ITGAD: variants seen among roughly 807,000 people sequenced by gnomAD.
The protein encoded by ITGAD is integrin alpha-D.
Under a neutral mutation model 139.0 loss-of-function variants are expected in ITGAD, and 105 were observed. That is an observed-to-expected ratio of 0.76 (90% CI 0.65 to 0.89). The LOEUF is 0.89. ITGAD is among the 40% of genes least tolerant of loss of function. The pLI, the probability that ITGAD is intolerant of heterozygous loss-of-function variation, is 0.00. For synonymous variants in ITGAD, 569 were observed against 598.3 expected (o/e 0.95, Z 0.71); for missense variants, 1,384 against 1,487.3 (o/e 0.93, Z 1.14).
In ITGAD at chr16:31,418,531, C is replaced by G; in HGVS notation, c.2747C>G (p.Pro916Arg). 1 of 1,614,118 alleles carries G rather than the reference C, an allele frequency of 6.2e-7. No individual in the cohort carries two copies. The highest frequency in any genetic ancestry group is 8.5e-7 in the Non-Finnish European group (1 of 1,180,008). The change falls in exon 23 of 30, where the codon CCG becomes CGG. Residue 916 changes from proline (P) to arginine (R), a missense_variant. By Grantham distance (103) the Pro-to-Arg change is moderately radical. Coordinates refer to ENST00000389202, the MANE Select transcript of ITGAD (RefSeq NM_005353.3). Reference sequence around the variant, plus strand: ...AAGGCCACCTTCCAGCTGGAGCTCCCGGTGAAGTATGCAGTCTACACCATG... The same window carrying G: ...AAGGCCACCTTCCAGCTGGAGCTCCGGGTGAAGTATGCAGTCTACACCATG... ...SSKATFQLEL[P>R]VKYAVYTMIS...
intron 6 of ITGAD, chr16:31,402,881 C>T (rs2081442849): frequency 1.3e-5 from 2 of 152,338 alleles, no homozygotes; most frequent in Admixed American, 6.5e-5. Flanking sequence ...GCTGGGATTA[C>T]AGGCATGAGT....
rs891838380 is a variant in ITGAD at position 31,408,565 on chromosome 16, G to A, written c.1083+67G>A. ...ACTCTGCACCCACCCTGGGCTGGGG[G>A]CTGGGAGCCAGACATAAACAAGAGC... On this transcript the variant is annotated intron_variant, in intron 10 of 29. Coordinates refer to ENST00000389202, the MANE Select transcript of ITGAD (RefSeq NM_005353.3). The A allele has an allele frequency of 4.9e-5, 70 of 1,431,946 alleles. No individual in the cohort carries two copies. The Middle Eastern group carries it at 1.2e-3, about 25-fold the overall frequency. The allele number at this position is 1,431,946 out of a possible 1,614,324, so 88.7% of individuals were successfully genotyped here.
rs771551985 is a variant in ITGAD, at chr16:31,410,779, G to C, written c.1257G>C (p.Leu419=). The change falls in exon 12 of 30, where the codon CTG becomes CTC. Residue 419 remains leucine (L), a synonymous_variant. Coordinates refer to ENST00000389202, the MANE Select transcript of ITGAD (RefSeq NM_005353.3). Reference sequence around the variant, plus strand: ...CCCTGTGGAAGGGGGTACAGAACCTGGTCCTGGGGGCCCCCCGCTACCAGC... The same window carrying C: ...CCCTGTGGAAGGGGGTACAGAACCTCGTCCTGGGGGCCCCCCGCTACCAGC... ...ELALWKGVQN[L]VLGAPRYQHT... 25 of 1,613,546 alleles carry C rather than the reference G, an allele frequency of 1.5e-5. No individual in the cohort carries two copies. The highest frequency in any genetic ancestry group is 1.9e-5 in the Non-Finnish European group (23 of 1,179,888).
Position 31,397,919 on chromosome 16 carries a change from T to A in ITGAD, c.427+10T>A. On this transcript the variant is annotated intron_variant, in intron 5 of 29. Coordinates refer to ENST00000389202, the MANE Select transcript of ITGAD (RefSeq NM_005353.3). ...CCCGACGCCACGCCAGGTAGGTCCC[T>A]GGCAGGCCATGGTTCCCTGTGGAGC... The A allele has an allele frequency of 6.3e-7, 1 of 1,594,506 alleles. No homozygotes were observed. The highest frequency in any genetic ancestry group is 1.1e-5 in the South Asian group (1 of 89,464).
rs753999944 is a variant in ITGAD, at chr16:31,418,186, TC to T, written c.2612del (p.Ser871LeufsTer6). ...CAACCACCCCATCTTCCATGAGGGC[TC>T]TAACGTCAGTGCTTCTCCCTAAATC... ...SVNHPIFHEG[S>X]NGTFIVTFDV... is the part of the protein sequence containing the mutation. On this transcript the variant is annotated frameshift_variant, in exon 21 of 30. Coordinates refer to ENST00000389202, the MANE Select transcript of ITGAD (RefSeq NM_005353.3). LOFTEE classifies it high-confidence loss of function. The T allele has an allele frequency of 6.2e-7, 1 of 1,613,644 alleles. No homozygotes were observed. The highest frequency in any genetic ancestry group is 1.7e-5 in the Admixed American group (1 of 60,014).
chr16:31,399,035 C>T (rs1283644315), intron 5 of ITGAD, among the ~76,000 whole-genome samples: 3 of 152,178 alleles, frequency 2.0e-5, no homozygotes, highest in Admixed American at 6.5e-5. Context: ...GACAGGGCTG[C>T]GGAAAATGCG....
chr16:31,414,175 CATCT>C (rs530104011), intron 16 of ITGAD, among the ~76,000 whole-genome samples: 120 of 152,176 alleles, frequency 7.9e-4, no homozygotes, highest in Non-Finnish European at 1.4e-3. Flanking sequence ...CCAAATCTAT[CATCT>C]ATTATCTATC....
In ITGAD at chr16:31,418,682, C is replaced by T. The variant is rs139925117; in HGVS notation, c.2780+118C>T. ...ATCTAAGCTCTCCTGTTTTGGGATG[C>T]CTTTGTGGGTGAATGGCCATATATA... On this transcript the variant is annotated intron_variant, in intron 23 of 29. Transcript: ENST00000389202. 2,892 of 801,712 alleles carry T rather than the reference C, an allele frequency of 3.6e-3. 42 individuals are homozygous for T. The highest frequency in any genetic ancestry group is 0.03 in the African/African-American group (1,751 of 59,258). The allele number at this position is 801,712 out of a possible 1,614,324, so 49.7% of individuals were successfully genotyped here.
chr16:31,410,767 G>A lies in ITGAD; in HGVS notation c.1245G>A (p.Gly415=), dbSNP rs774198741. The change falls in exon 12 of 30, where the codon GGG becomes GGA. Residue 415 remains glycine, a synonymous_variant. Coordinates refer to ENST00000389202, the MANE Select transcript of ITGAD (RefSeq NM_005353.3). ...CCACCGAGCTAGCCCTGTGGAAGGG[G>A]GTACAGAACCTGGTCCTGGGGGCCC... ...GYSTELALWK[G]VQNLVLGAPR... is the part of the protein sequence containing the mutation. 6.2e-7 allele frequency: 1 copy of A among 1,613,222 alleles called. No homozygotes were observed. Among genetic ancestry groups the A allele is most frequent in the African/African-American group, 1.3e-5 (1 of 74,844 alleles).
intron 14 of ITGAD, 23 bp from the exon 15 acceptor site, chr16:31,412,815 T>A: frequency 6.2e-7 from 1 of 1,613,220 alleles, no homozygotes; most frequent in Non-Finnish European, 8.5e-7. Flanking sequence ...CCAGCCTGAT[T>A]CACCCTTTTC....
intron 29 of ITGAD, among the ~76,000 whole-genome samples, chr16:31,425,372 T>C (rs538902819): frequency 9.2e-5 from 14 of 152,224 alleles, no homozygotes; most frequent in Non-Finnish European, 1.6e-4. Context: ...TGCCCGGCCG[T>C]TTCTCATTTT....
At chr16:31,416,311 C>T in intron 19 of ITGAD, 25 bp downstream of exon 19, 2 of 1,580,746 alleles carry the variant, frequency 1.3e-6, no homozygotes, top group Non-Finnish European at 8.6e-7. Context: ...CCTTCATATC[C>T]AGACACTCAG....
In ITGAD at chr16:31,420,404, C is replaced by CT. The variant is rs113737188; in HGVS notation, c.2780+1852dup. ...TGTGGGACAAAGTTTGCTGCTATTG[C>CT]TTTTTTTTTTTTAGACGGAATCTCA... On this transcript the variant is annotated intron_variant, in intron 23 of 29. Transcript: ENST00000389202. 9.5e-3 allele frequency among the ~76,000 whole-genome samples: 1,372 copies of CT among 143,954 alleles called. 23 individuals are homozygous for CT. The highest frequency in any genetic ancestry group is 0.032 in the African/African-American group (1,254 of 39,392). 94.4% of individuals were successfully genotyped at this position (143,954 alleles called of 152,430 possible).
At chr16:31,396,297 C>A (rs912898435) in intron 2 of ITGAD, among the ~76,000 whole-genome samples, 9 of 152,116 alleles carry the variant, frequency 5.9e-5, no homozygotes, top group African/African-American at 2.2e-4. Flanking sequence ...TATGGTGAAA[C>A]CCTGTCTCTA....
At chr16:31,420,312 A>G (rs2142836266) in intron 23 of ITGAD, among the ~76,000 whole-genome samples, 1 of 152,214 alleles carries the variant, frequency 6.6e-6, no homozygotes, top group Admixed American at 6.5e-5. Flanking sequence ...GTGGAGGCAC[A>G]GGGGCAGGCG....
chr16:31,411,429 T>A lies in ITGAD; in HGVS notation c.1619T>A (p.Ile540Asn). Residue 540 changes from isoleucine to asparagine, a missense_variant, in exon 14 of 30, where the codon ATT becomes AAT. Physicochemically the swap from Ile to Asn is moderately radical, Grantham distance 149 (BLOSUM62 -3). Transcript: ENST00000389202. ...GAGGACAAGCTGATAGACGTGGCCA[T>A]TGGGGCCCCGGGAGAGCAGGAGAAC... ...VNEDKLIDVA[I>N]GAPGEQENRG... 2 of 1,614,072 alleles carry A rather than the reference T, an allele frequency of 1.2e-6. No individual in the cohort carries two copies. Among genetic ancestry groups the A allele is most frequent in the Middle Eastern group, 1.7e-4 (1 of 6,060 alleles).
In ITGAD at chr16:31,412,946, C is replaced by A; in HGVS notation, c.1816C>A (p.Arg606=). ...DGLMDLAVGA[R]GQVLLLRSLP... is the part of the protein sequence containing the mutation. ...ACTGATGGACCTGGCCGTGGGGGCC[C>A]GGGGCCAGGTGCTCCTGCTCAGGTA... Residue 606 remains arginine (R), a synonymous_variant, in exon 15 of 30, where the codon CGG becomes AGG. Transcript: ENST00000389202. 6.2e-7 allele frequency: 1 copy of A among 1,609,568 alleles called. No individual in the cohort carries two copies. Among genetic ancestry groups the A allele is most frequent in the Admixed American group, 1.7e-5 (1 of 59,344 alleles).
Position 31,416,609 on chromosome 16 carries a change from C to T in ITGAD, c.2462C>T (p.Pro821Leu). The change falls in exon 20 of 30, where the codon CCA (proline) becomes CTA (leucine). Residue 821 changes from proline (P) to leucine (L), a missense_variant. Transcript: ENST00000389202. ...SYGTVVSLYYPAGLSHRRVSG... is the reference protein window; with the variant it reads ...SYGTVVSLYYLAGLSHRRVSG... ...GGAACCGTGGTCAGCCTCTACTATCCAGCAGGGCTGTCGCACCGACGGGTG... is the reference window on the plus strand; with the variant it reads ...GGAACCGTGGTCAGCCTCTACTATCTAGCAGGGCTGTCGCACCGACGGGTG... 1 of 1,612,906 alleles carries T rather than the reference C, an allele frequency of 6.2e-7. No homozygotes were observed. Among genetic ancestry groups the T allele is most frequent in the African/African-American group, 1.3e-5 (1 of 75,044 alleles).
At chr16:31,395,444 A>G (rs957137991) in intron 2 of ITGAD, among the ~76,000 whole-genome samples, 3 of 152,110 alleles carry the variant, frequency 2.0e-5, no homozygotes, top group African/African-American at 7.2e-5. Flanking sequence ...TCCCCCACCC[A>G]TGTGGGAGCA....
Sources: gnomAD v4.1 joint callset for allele counts (sites outside exome capture counted in the v4.1 genomes callset) on GRCh38, gnomAD v4.1.1 for gene constraint, MANE v1.5 for transcripts, NCBI Gene and HGNC (gene_info 2026-07-23, HGNC 2026-07-21) for gene names.